MED30: variants seen among roughly 807,000 people sequenced by gnomAD.
The protein encoded by MED30 is mediator of RNA polymerase II transcription subunit 30.
In MED30, 8 loss-of-function variants were observed where a neutral mutation model predicts 21.7. The ratio of observed to expected loss-of-function variants is 0.37; its 90% confidence interval spans 0.22 to 0.67. The LOEUF (loss-of-function observed/expected upper bound fraction) is 0.67. Ranked by LOEUF, MED30 falls within the 30% of genes least tolerant of loss-of-function variation. MED30 has a pLI of 0.58. For synonymous variants in MED30, 79 were observed against 86.7 expected (o/e 0.91, Z 0.49); for missense variants, 203 against 228.2 (o/e 0.89, Z 0.71).
chr8:117,523,911 G>T (rs976401249), intron 1 of MED30: 39 of 351,468 alleles, frequency 1.1e-4, no homozygotes, highest in Non-Finnish European at 2.1e-4. Flanking sequence ...GGAGGCTGGG[G>T]CAGGAGAATC....
Position 117,540,243 on chromosome 8 carries a change from GT to G in MED30, c.*271del, listed in dbSNP as rs1818956844. The G allele has an allele frequency of 9.4e-6, 2 of 211,672 alleles. No homozygotes were observed. Among genetic ancestry groups the G allele is most frequent in the Non-Finnish European group, 1.8e-5 (2 of 108,132 alleles). The allele number at this position is 211,672 out of a possible 1,614,324, so 13.1% of individuals were successfully genotyped here. A position where few individuals can be genotyped will look rare whatever the true frequency, so the allele number is the denominator to read the frequency against. ...AATTGTTTTTTTAAAGCAAAATAAA[GT>G]TTTTTAAATAAATGTTAATATTTGA... On this transcript the variant is annotated 3_prime_UTR_variant, in exon 4 of 4. Coordinates refer to ENST00000297347, the MANE Select transcript of MED30 (RefSeq NM_080651.4).
At chr8:117,529,743 A>G (rs1250775888) in intron 2 of MED30, among the ~76,000 whole-genome samples, 1 of 151,914 alleles carries the variant, frequency 6.6e-6, no homozygotes, top group Non-Finnish European at 1.5e-5. Flanking sequence ...TCCAAATAGA[A>G]GAGATAGGAA....
intron 3 of MED30, among the ~76,000 whole-genome samples, chr8:117,537,915 A>G (rs781528200): frequency 3.3e-5 from 5 of 152,216 alleles, no homozygotes; most frequent in Non-Finnish European, 7.3e-5. Flanking sequence ...GAATTTATCT[A>G]AGATCAAATA....
intron 2 of MED30, chr8:117,530,504 T>C (rs1306027305): frequency 5.8e-6 from 2 of 346,702 alleles, no homozygotes; most frequent in South Asian, 1.1e-4. Context: ...ACCAATGTTA[T>C]AAAGGCTGTT....
chr8:117,537,193 T>C (rs1818893131), intron 3 of MED30, among the ~76,000 whole-genome samples: 1 of 152,256 alleles, frequency 6.6e-6, no homozygotes, highest in Non-Finnish European at 1.5e-5. Flanking sequence ...AGCTTTTGTG[T>C]GAATATTACA....
chr8:117,530,075 G>A lies in MED30; in HGVS notation c.337-648G>A, dbSNP rs142334728. 2.9e-3 allele frequency among the ~76,000 whole-genome samples: 439 copies of A among 152,058 alleles called. 2 individuals carry two copies. The highest frequency in any genetic ancestry group is 4.3e-3 in the Non-Finnish European group (289 of 67,874). ...GATTCCTGAAGTCTGCCACACTTAT[G>A]CGGTAAATTCCATCACTAACCATGC... On this transcript the variant is annotated intron_variant, in intron 2 of 3. Coordinates refer to ENST00000297347, the MANE Select transcript of MED30 (RefSeq NM_080651.4).
intron 3 of MED30, among the ~76,000 whole-genome samples, chr8:117,531,317 G>A (rs922655685): frequency 6.6e-5 from 10 of 151,988 alleles, no homozygotes; most frequent in Non-Finnish European, 1.3e-4. Context: ...AATAGTTCTC[G>A]TGAAACAGAG....
At chr8:117,523,945 G>A in intron 1 of MED30, 1 of 302,080 alleles carries the variant, frequency 3.3e-6, no homozygotes, top group South Asian at 4.4e-5. Flanking sequence ...AGGCGGAGGT[G>A]GCAGTGAGCC....
At chr8:117,537,319 C>T (rs368286241) in intron 3 of MED30, among the ~76,000 whole-genome samples, 27 of 152,214 alleles carry the variant, frequency 1.8e-4, no homozygotes, top group African/African-American at 6.3e-4. Flanking sequence ...CAGCTGTCAA[C>T]GTCTGTTAAA....
At chr8:117,536,197 GA>G (rs1426980389) in intron 3 of MED30, among the ~76,000 whole-genome samples, 1 of 152,132 alleles carries the variant, frequency 6.6e-6, no homozygotes, top group Non-Finnish European at 1.5e-5. Flanking sequence ...TCTTCTTGGA[GA>G]ACATAAGACT....
Position 117,520,775 on chromosome 8 carries a change from C to T in MED30, c.-102C>T, listed in dbSNP as rs1466051527. ...TTTGAAATCGGGCCGCGGGGGGTCT[C>T]TCAAGCTGGTTCCAACGCTGAGGCC... On this transcript the variant is annotated 5_prime_UTR_variant, in exon 1 of 4. Coordinates refer to ENST00000297347, the MANE Select transcript of MED30 (RefSeq NM_080651.4). 1.6e-6 allele frequency: 2 copies of T among 1,261,618 alleles called. No homozygotes were observed. The highest frequency in any genetic ancestry group is 1.1e-6 in the Non-Finnish European group (1 of 943,422). 78.2% of individuals were successfully genotyped at this position (1,261,618 alleles called of 1,614,324 possible).
chr8:117,528,840 A>G, intron 2 of MED30, 31 bp downstream of exon 2: 1 of 1,548,514 alleles, frequency 6.5e-7, no homozygotes, highest in East Asian at 2.3e-5. Flanking sequence ...GAGGATGAAT[A>G]TAAGGTGTGA....
At chr8:117,534,850 GTTT>G (rs3040827) in intron 3 of MED30, among the ~76,000 whole-genome samples, 5 of 121,040 alleles carry the variant, frequency 4.1e-5, no homozygotes, top group Non-Finnish European at 3.4e-5. Context: ...CAAACAAATT[GTTT>G]TTTTTTTTTT....
At chr8:117,522,095 C>A (rs1006667143) in intron 1 of MED30, among the ~76,000 whole-genome samples, 1 of 152,202 alleles carries the variant, frequency 6.6e-6, no homozygotes, top group Admixed American at 6.5e-5. Context: ...CCTGTTATGT[C>A]TTGATGCTTT....
Position 117,529,038 on chromosome 8 carries a change from G to T in MED30, c.336+229G>T, listed in dbSNP as rs542852616. ...CTTTGACAGGCTTATAGTAATTTTT[G>T]TTGTTGTTAGGAAGAAATGTTTTCC... On this transcript the variant is annotated intron_variant, in intron 2 of 3. Transcript: ENST00000297347. The T allele has an allele frequency of 3.0e-5, 9 of 296,356 alleles. No homozygotes were observed. The South Asian group carries it at 3.9e-4, about 13-fold the overall frequency. The allele number at this position is 296,356 out of a possible 1,614,324, so 18.4% of individuals were successfully genotyped here.
intron 3 of MED30, among the ~76,000 whole-genome samples, chr8:117,536,569 G>A (rs1818881476): frequency 6.6e-6 from 1 of 152,176 alleles, no homozygotes; most frequent in South Asian, 2.1e-4. Context: ...GTTATGGTCT[G>A]TCTGGTTTCT....
At chr8:117,530,479 T>C (rs1818778290) in intron 2 of MED30, 1 of 294,140 alleles carries the variant, frequency 3.4e-6, no homozygotes, top group Non-Finnish European at 6.2e-6. Flanking sequence ...AAGTATTGTT[T>C]AGTTGTACAT....
At chr8:117,531,054 A>G (rs528590743) in intron 3 of MED30, among the ~76,000 whole-genome samples, 45 of 152,154 alleles carry the variant, frequency 3.0e-4, no homozygotes, top group African/African-American at 1.1e-3. Context: ...CTCTTAGAAG[A>G]GCTCCTTAGA....
At chr8:117,522,154 T>C (rs990244492) in intron 1 of MED30, among the ~76,000 whole-genome samples, 7 of 152,242 alleles carry the variant, frequency 4.6e-5, no homozygotes, top group Non-Finnish European at 1.0e-4. Context: ...CTTAATACTG[T>C]CTTTTGAAGA....
Sources: allele counts gnomAD v4.1 joint callset (sites outside exome capture counted in the v4.1 genomes callset), GRCh38; gene constraint gnomAD v4.1.1; transcripts MANE v1.5; gene names NCBI Gene and HGNC (gene_info 2026-07-23, HGNC 2026-07-21).